Variants in AIF1L observed in about 807,000 individuals in gnomAD.
AIF1L encodes allograft inflammatory factor 1 like, also known as allograft inflammatory factor 1-like.
A neutral mutation model predicts 20.7 loss-of-function variants in AIF1L; 12 were observed. That is an observed-to-expected ratio of 0.58 (90% CI 0.37 to 0.94). The LOEUF (loss-of-function observed/expected upper bound fraction) is 0.94, where lower values mean the gene tolerates loss of function less well. Ranked by LOEUF, AIF1L falls within the 40% of genes least tolerant of loss-of-function variation. The pLI, the probability that AIF1L is intolerant of heterozygous loss-of-function variation, is 0.01. For missense variants in AIF1L, 173 were observed against 185.3 expected (o/e 0.93, Z 0.39); for synonymous variants, 76 against 65.1 (o/e 1.17, Z -0.81).
intron 4 of AIF1L, among the ~76,000 whole-genome samples, chr9:131,115,748 C>T (rs10156393): frequency 0.045 from 6,873 of 151,500 alleles, 501 homozygotes; most frequent in African/African-American, 0.16. Flanking sequence ...CCAAGGCGGG[C>T]GGATCACATG....
chr9:131,119,894 CA>C (rs1831099881), intron 5 of AIF1L, among the ~76,000 whole-genome samples: 1 of 152,164 alleles, frequency 6.6e-6, no homozygotes. Context: ...AGGCGTGGCC[CA>C]GCCTGGCTCA....
In AIF1L at chr9:131,114,735, C is replaced by T. The variant is rs114067328; in HGVS notation, c.202+117C>T. On this transcript the variant is annotated intron_variant, in intron 4 of 5. Coordinates refer to ENST00000247291, the MANE Select transcript of AIF1L (RefSeq NM_031426.4). ...GTCCGGAAGGCTGGTGAATATGTTG[C>T]GCCGAGCCAGCCCCAGCCCCTTGCC... is the stretch of plus-strand genomic sequence containing the variant. The T allele has an allele frequency of 6.5e-4, 872 of 1,339,372 alleles. 5 individuals carry two copies. The African/African-American group carries it at 8.9e-3, about 14-fold the overall frequency. The allele number at this position is 1,339,372 out of a possible 1,614,324, so 83.0% of individuals were successfully genotyped here. A position where few individuals can be genotyped will look rare whatever the true frequency, so the allele number is the denominator to read the frequency against.
intron 2 of AIF1L, among the ~76,000 whole-genome samples, chr9:131,098,890 T>C (rs768594898): frequency 3.3e-5 from 5 of 152,102 alleles, no homozygotes; most frequent in Non-Finnish European, 7.4e-5. Context: ...AGACCCACCA[T>C]GACAGCCCAG....
intron 2 of AIF1L, chr9:131,107,824 G>A (rs1830784975): frequency 1.3e-5 from 2 of 152,218 alleles, no homozygotes; most frequent in Admixed American, 1.3e-4. Flanking sequence ...GGCAGATATG[G>A]GATCTGGGAC....
intron 3 of AIF1L, chr9:131,114,103 T>G (rs950019680): frequency 2.6e-4 from 47 of 180,446 alleles, no homozygotes; most frequent in African/African-American, 1.1e-3. Flanking sequence ...TTTCCTGGTT[T>G]CAGAATCACA....
chr9:131,106,922 C>T (rs991801023), intron 2 of AIF1L, among the ~76,000 whole-genome samples: 1 of 152,040 alleles, frequency 6.6e-6, no homozygotes, highest in Non-Finnish European at 1.5e-5. Context: ...ATGGTGAAAC[C>T]GCATCTCTAC....
intron 4 of AIF1L, among the ~76,000 whole-genome samples, chr9:131,117,156 T>C (rs1831033677): frequency 6.6e-6 from 1 of 152,216 alleles, no homozygotes; most frequent in Admixed American, 6.5e-5. Context: ...TTGGTTTTCC[T>C]GCTCTGTGGG....
intron 2 of AIF1L, among the ~76,000 whole-genome samples, chr9:131,107,300 G>C (rs1001017455): frequency 3.3e-5 from 5 of 152,186 alleles, no homozygotes; most frequent in African/African-American, 1.2e-4. Flanking sequence ...GTTGGTCTGT[G>C]TCTGTCTGTG....
intron 2 of AIF1L, among the ~76,000 whole-genome samples, chr9:131,103,402 G>A (rs1421437520): frequency 3.9e-5 from 6 of 152,138 alleles, no homozygotes; most frequent in African/African-American, 7.2e-5. Flanking sequence ...CCCTTCCCCC[G>A]CACACACACC....
At position 131,120,784 on chromosome 9, in the gene AIF1L, G is replaced by A; in HGVS notation, c.*462G>A. On this transcript the variant is annotated 3_prime_UTR_variant, in exon 6 of 6. Transcript: ENST00000247291. The stretch of plus-strand genomic sequence containing the variant: ...GCAGGGCCTCTTTCGGGTTTCCTTG[G>A]ACAGTGCCATGGCTCCAGTGCTCTG... 1 of 369,476 alleles carries A rather than the reference G, an allele frequency of 2.7e-6. No homozygotes were observed. Among genetic ancestry groups the A allele is most frequent in the Non-Finnish European group, 4.8e-6 (1 of 206,472 alleles). 22.9% of individuals were successfully genotyped at this position (369,476 alleles called of 1,614,324 possible).
intron 2 of AIF1L, among the ~76,000 whole-genome samples, chr9:131,107,123 C>G (rs550014465): frequency 6.6e-6 from 1 of 152,168 alleles, no homozygotes; most frequent in South Asian, 2.1e-4. Flanking sequence ...ACAAAAAAGA[C>G]AAGGTGACAT....
chr9:131,116,959 G>A (rs1168419278), intron 4 of AIF1L, among the ~76,000 whole-genome samples: 1 of 152,168 alleles, frequency 6.6e-6, no homozygotes, highest in Non-Finnish European at 1.5e-5. Context: ...CATTGGCTGC[G>A]CCACGGCCCA....
At chr9:131,116,245 G>A (rs181708957) in intron 4 of AIF1L, among the ~76,000 whole-genome samples, 2 of 152,178 alleles carry the variant, frequency 1.3e-5, no homozygotes, top group African/African-American at 4.8e-5. Flanking sequence ...ACAATGGTGA[G>A]TATTTTGATT....
intron 5 of AIF1L, 105 bp from the exon 6 acceptor site, chr9:131,120,130 T>C (rs1175171228): frequency 1.9e-6 from 2 of 1,070,010 alleles, no homozygotes; most frequent in African/African-American, 1.6e-5. Context: ...TTAAATTCTG[T>C]TGAGGACCCT....
intron 2 of AIF1L, among the ~76,000 whole-genome samples, chr9:131,107,006 T>C (rs529558970): frequency 6.6e-6 from 1 of 152,080 alleles, no homozygotes; most frequent in South Asian, 2.1e-4. Flanking sequence ...GGCAGGAGAA[T>C]TGCTTGAACT....
intron 2 of AIF1L, among the ~76,000 whole-genome samples, chr9:131,100,502 G>T (rs1341622602): frequency 1.3e-5 from 2 of 152,174 alleles, no homozygotes; most frequent in Non-Finnish European, 2.9e-5. Flanking sequence ...AAACAGCCTC[G>T]ACTTGAACCC....
chr9:131,109,635 G>A (rs1288676457), intron 2 of AIF1L, among the ~76,000 whole-genome samples: 1 of 152,208 alleles, frequency 6.6e-6, no homozygotes, highest in Non-Finnish European at 1.5e-5. Flanking sequence ...TCGAGTGGTA[G>A]GAGGGGAACA....
chr9:131,111,492 G>A (rs948062564), intron 2 of AIF1L, 105 bp from the exon 3 acceptor site: 48 of 1,018,960 alleles, frequency 4.7e-5, no homozygotes, highest in East Asian at 2.6e-4. Context: ...GGGTCTGGTC[G>A]CACCTGGTTA....
At chr9:131,114,049 C>G (rs571970237) in intron 3 of AIF1L, 1 of 174,548 alleles carries the variant, frequency 5.7e-6, no homozygotes, top group East Asian at 1.4e-4. Flanking sequence ...GGTCTGTGTA[C>G]CCCGGGAAAC....
Sources: allele counts gnomAD v4.1 joint callset (sites outside exome capture counted in the v4.1 genomes callset), GRCh38; gene constraint gnomAD v4.1.1; transcripts MANE v1.5; gene names NCBI Gene and HGNC (gene_info 2026-07-23, HGNC 2026-07-21).